Variants in TAFA5 observed in about 807,000 individuals in gnomAD.
TAFA5 encodes the protein chemokine-like protein TAFA-5.
In TAFA5, 6 loss-of-function variants were observed where a neutral mutation model predicts 15.3. The ratio of observed to expected loss-of-function variants is 0.39; its 90% CI spans 0.21 to 0.77. The LOEUF (loss-of-function observed/expected upper bound fraction) is 0.77, where lower values mean the gene tolerates loss of function less well. TAFA5 is among the 30% of genes least tolerant of loss of function. The pLI is 0.41. For synonymous variants in TAFA5, 103 were observed against 80.7 expected (o/e 1.28, Z -1.48); for missense variants, 161 against 193.1 (o/e 0.83, Z 0.98).
chr22:48,720,233 T>G (rs1929529879), intron 3 of TAFA5, among the ~76,000 whole-genome samples: 1 of 151,952 alleles, frequency 6.6e-6, no homozygotes, highest in Admixed American at 6.6e-5. Flanking sequence ...GGATCAGGCT[T>G]AGGGTTTGTC....
intron 1 of TAFA5, among the ~76,000 whole-genome samples, chr22:48,515,898 G>C (rs1921388780): frequency 6.6e-6 from 1 of 152,062 alleles, no homozygotes. Context: ...GTCTCCATCA[G>C]TCTCGGTGGG....
At chr22:48,504,448 C>T (rs1178003028) in intron 1 of TAFA5, among the ~76,000 whole-genome samples, 1 of 152,188 alleles carries the variant, frequency 6.6e-6, no homozygotes, top group Non-Finnish European at 1.5e-5. Context: ...CTGGGTGGCT[C>T]ACACCATCAT....
chr22:48,529,769 G>A (rs1468044338), intron 1 of TAFA5, among the ~76,000 whole-genome samples: 1 of 152,018 alleles, frequency 6.6e-6, no homozygotes, highest in Non-Finnish European at 1.5e-5. Context: ...TGATGGGTTG[G>A]GTGTGTGGAC....
At chr22:48,717,886 A>G (rs1158941952) in intron 3 of TAFA5, among the ~76,000 whole-genome samples, 1 of 152,212 alleles carries the variant, frequency 6.6e-6, no homozygotes, top group East Asian at 1.9e-4. Flanking sequence ...AGGCATCCAG[A>G]GGGACCAGGT....
chr22:48,692,082 G>A (rs1217007455), intron 2 of TAFA5, among the ~76,000 whole-genome samples: 1 of 152,134 alleles, frequency 6.6e-6, no homozygotes, highest in Non-Finnish European at 1.5e-5. Flanking sequence ...CCTGGGATGG[G>A]GCAGTGTGCC....
intron 3 of TAFA5, among the ~76,000 whole-genome samples, chr22:48,716,482 C>G (rs1422215850): frequency 6.6e-6 from 1 of 152,110 alleles, no homozygotes; most frequent in Non-Finnish European, 1.5e-5. Context: ...AACACATGGA[C>G]ACCAGGAGGG....
intron 1 of TAFA5, among the ~76,000 whole-genome samples, chr22:48,513,451 G>T (rs1601842509): frequency 6.6e-6 from 1 of 152,124 alleles, no homozygotes; most frequent in East Asian, 1.9e-4. Flanking sequence ...GTCATGGGCG[G>T]CTCTAAGAGC....
At chr22:48,591,937 C>A (rs1397013886) in intron 1 of TAFA5, among the ~76,000 whole-genome samples, 1 of 152,212 alleles carries the variant, frequency 6.6e-6, no homozygotes, top group African/African-American at 2.4e-5. Flanking sequence ...GGATGCAGTG[C>A]CCCAGCCTCA....
rs59877421 is a variant in TAFA5, at chr22:48,542,064, T to G, written c.112+52360T>G. Among the ~76,000 whole-genome samples the G allele has an allele frequency of 0.016, 2,462 of 150,880 alleles. 112 individuals carry two copies. The East Asian group carries it at 0.18, about 11-fold the overall frequency. The stretch of plus-strand genomic sequence containing the variant: ...GAGGGGCCGGGGCGTGTGTGTGTGG[T>G]GTGTGTGTGCGTGTGTGTGTGTGCA... On this transcript the variant is annotated intron_variant, in intron 1 of 3. Transcript: ENST00000402357.
chr22:48,512,922 CAAAAAAAA>C (rs754722482), intron 1 of TAFA5, among the ~76,000 whole-genome samples: 4 of 88,786 alleles, frequency 4.5e-5, no homozygotes, highest in Admixed American at 3.8e-4. Context: ...GACTCTGTCT[CAAAAAAAA>C]AAAAAAAAAA....
chr22:48,534,686 G>A (rs1922089986), intron 1 of TAFA5, among the ~76,000 whole-genome samples: 1 of 152,208 alleles, frequency 6.6e-6, no homozygotes, highest in Non-Finnish European at 1.5e-5. Flanking sequence ...GGAGGTTGAA[G>A]GAGAGGCTGC....
At chr22:48,570,823 G>A (rs1923556350) in intron 1 of TAFA5, among the ~76,000 whole-genome samples, 1 of 145,196 alleles carries the variant, frequency 6.9e-6, no homozygotes, top group Admixed American at 7.1e-5. Flanking sequence ...AATGTTTATA[G>A]CAGAAAGAAG....
chr22:48,507,813 GC>G (rs906725635), intron 1 of TAFA5, among the ~76,000 whole-genome samples: 3 of 152,150 alleles, frequency 2.0e-5, no homozygotes, highest in Non-Finnish European at 2.9e-5. Flanking sequence ...GATGGACAGC[GC>G]CCCCTCCCCA....
At chr22:48,520,950 C>T (rs980176728) in intron 1 of TAFA5, among the ~76,000 whole-genome samples, 4 of 152,120 alleles carry the variant, frequency 2.6e-5, no homozygotes, top group African/African-American at 4.8e-5. Flanking sequence ...CTGTCCCCAC[C>T]GTAAGCAGCC....
intron 1 of TAFA5, among the ~76,000 whole-genome samples, chr22:48,593,434 G>A (rs1345170061): frequency 6.6e-6 from 1 of 152,050 alleles, no homozygotes; most frequent in African/African-American, 2.4e-5. Flanking sequence ...GACTGCTGTG[G>A]GCCTGGCACC....
chr22:48,524,729 G>A (rs953330995), intron 1 of TAFA5, among the ~76,000 whole-genome samples: 3 of 152,126 alleles, frequency 2.0e-5, no homozygotes, highest in Non-Finnish European at 1.5e-5. Context: ...ACCCTGCACC[G>A]AGCTTCCCCA....
chr22:48,499,928 T>C (rs1920943452), intron 1 of TAFA5, among the ~76,000 whole-genome samples: 1 of 152,108 alleles, frequency 6.6e-6, no homozygotes, highest in South Asian at 2.1e-4. Flanking sequence ...CACCCGTGAG[T>C]CTGCCTGCAG....
intron 1 of TAFA5, among the ~76,000 whole-genome samples, chr22:48,575,781 G>T (rs1332055316): frequency 6.9e-6 from 1 of 144,760 alleles, no homozygotes; most frequent in Non-Finnish European, 1.5e-5. Flanking sequence ...ATCGCCGCGG[G>T]CTCGGCCGGG....
Position 48,734,863 on chromosome 22 carries a change from T to G in TAFA5, c.391-14976T>G, listed in dbSNP as rs368806304. Among the ~76,000 whole-genome samples the G allele has an allele frequency of 1.4e-4, 22 of 152,314 alleles. No individual in the cohort carries two copies. In the East Asian group the frequency reaches 4.3e-3, roughly 29 times the overall value. The stretch of plus-strand genomic sequence containing the variant: ...TTTGGATTTGGGGAAAAACCCAAGT[T>G]GGACTCTTACCTCACACCATGTTCA... On this transcript the variant is annotated intron_variant, in intron 3 of 3. Coordinates refer to ENST00000402357, the MANE Select transcript of TAFA5 (RefSeq NM_001082967.3).
Sources: gnomAD v4.1 joint callset for allele counts (sites outside exome capture counted in the v4.1 genomes callset) on GRCh38, gnomAD v4.1.1 for gene constraint, MANE v1.5 for transcripts, NCBI Gene and HGNC (gene_info 2026-07-23, HGNC 2026-07-21) for gene names.